ULK2: variants seen among roughly 807,000 people sequenced by gnomAD.
ULK2 encodes unc-51 like autophagy activating kinase 2.
ULK2 carries 76 observed loss-of-function variants against 127.5 expected under a neutral mutation model. That is an observed-to-expected ratio of 0.60 (90% CI 0.50 to 0.72). ULK2 has a LOEUF of 0.72. Among genes scored for constraint, ULK2 ranks in the 30% least tolerant of loss-of-function variants. The pLI is 0.00. For missense variants in ULK2, 1,144 were observed against 1,295.9 expected (o/e 0.88, Z 1.80); for synonymous variants, 452 against 461.9 (o/e 0.98, Z 0.28).
intron 17 of ULK2, among the ~76,000 whole-genome samples, chr17:19,798,144 C>T (rs920220949): frequency 2.6e-5 from 4 of 152,016 alleles, no homozygotes; most frequent in African/African-American, 9.6e-5. Flanking sequence ...ACTCCTTATT[C>T]AAAAAAACAA....
At chr17:19,820,522 A>C (rs1231176931) in intron 12 of ULK2, among the ~76,000 whole-genome samples, 2 of 152,202 alleles carry the variant, frequency 1.3e-5, no homozygotes, top group Non-Finnish European at 2.9e-5. Context: ...ATGATGGAAA[A>C]GGCCTATATT....
At chr17:19,793,183 G>A (rs2087194125) in intron 20 of ULK2, among the ~76,000 whole-genome samples, 1 of 152,144 alleles carries the variant, frequency 6.6e-6, no homozygotes. Context: ...GCAAAGCGGG[G>A]AAGAGCCCCT....
intron 12 of ULK2, among the ~76,000 whole-genome samples, chr17:19,818,369 A>G (rs1288651256): frequency 6.6e-6 from 1 of 151,786 alleles, no homozygotes; most frequent in Non-Finnish European, 1.5e-5. Context: ...ACTTTAGCCC[A>G]TTCACATATA....
chr17:19,788,102 A>C (rs2087073976), intron 20 of ULK2, among the ~76,000 whole-genome samples: 1 of 152,076 alleles, frequency 6.6e-6, no homozygotes, highest in South Asian at 2.1e-4. Flanking sequence ...CCACAAGCTA[A>C]AGCGCTCCGG....
chr17:19,779,437 C>T (rs1361594501), intron 25 of ULK2, among the ~76,000 whole-genome samples: 1 of 149,684 alleles, frequency 6.7e-6, no homozygotes, highest in Non-Finnish European at 1.5e-5. Context: ...GAGGCTAACG[C>T]AGCAGAATCG....
chr17:19,808,476 A>G (rs563962688), intron 14 of ULK2, among the ~76,000 whole-genome samples: 5 of 152,344 alleles, frequency 3.3e-5, no homozygotes, highest in African/African-American at 1.2e-4. Context: ...AAAGGACACA[A>G]AGAGTCAAAA....
Position 19,782,014 on chromosome 17 carries a change from C to T in ULK2, c.2514G>A (p.Glu838=). ...RHLNVMLMFT[E]CVLDLTAMRG... ...TCATGGCTGTCAGGTCCAGCACACA[C>T]TCAGTGAACATCAGCATCACATTCA... The change falls in exon 23 of 27, where the codon GAG becomes GAA. Residue 838 remains glutamate, a synonymous_variant. Coordinates refer to ENST00000395544, the MANE Select transcript of ULK2 (RefSeq NM_014683.4). The T allele has an allele frequency of 6.2e-7, 1 of 1,614,220 alleles. No individual in the cohort carries two copies. The highest frequency in any genetic ancestry group is 8.5e-7 in the Non-Finnish European group (1 of 1,180,028).
At chr17:19,801,454 G>A (rs937567133) in intron 16 of ULK2, among the ~76,000 whole-genome samples, 9 of 152,104 alleles carry the variant, frequency 5.9e-5, no homozygotes, top group South Asian at 4.1e-4. Context: ...GGTGGCATGC[G>A]CCTGTAGTTC....
At position 19,804,416 on chromosome 17, in the gene ULK2, A is replaced by C. The variant is rs1221232572; in HGVS notation, c.1295+277T>G. ...AATAAGTTCTTCCTCAATTCTTAAA[A>C]GTAATTATACATTTTAAGTATATAT... On this transcript the variant is annotated intron_variant, in intron 15 of 26. Coordinates refer to ENST00000395544, the MANE Select transcript of ULK2 (RefSeq NM_014683.4). Among the ~76,000 whole-genome samples the C allele has an allele frequency of 2.6e-5, 4 of 152,008 alleles. No homozygotes were observed. The East Asian group carries it at 7.7e-4, about 29-fold the overall frequency.
At position 19,841,558 on chromosome 17, in the gene ULK2, A is replaced by C. The variant is rs986869044; in HGVS notation, c.646-11T>G. The stretch of plus-strand genomic sequence containing the variant: ...TTGAGGACTATTGGCCTATTAAAAA[A>C]AAAAAGGTTTAATTTCCTAAACAAT... On this transcript the variant is annotated splice_polypyrimidine_tract_variant and intron_variant, in intron 8 of 26. Coordinates refer to ENST00000395544, the MANE Select transcript of ULK2 (RefSeq NM_014683.4). 1.9e-6 allele frequency: 3 copies of C among 1,567,888 alleles called. No individual in the cohort carries two copies. The highest frequency in any genetic ancestry group is 2.6e-6 in the Non-Finnish European group (3 of 1,167,404).
chr17:19,829,446 AG>A (rs1330365988), intron 10 of ULK2, among the ~76,000 whole-genome samples: 3 of 149,590 alleles, frequency 2.0e-5, no homozygotes, highest in Non-Finnish European at 4.4e-5. Flanking sequence ...CAGAGGTGAG[AG>A]GATCACTTGA....
chr17:19,815,474 G>A (rs1344756414), intron 13 of ULK2, among the ~76,000 whole-genome samples: 1 of 152,024 alleles, frequency 6.6e-6, no homozygotes, highest in Non-Finnish European at 1.5e-5. Flanking sequence ...GTAGAGACGG[G>A]GTTTCACCAT....
In ULK2 at chr17:19,781,079, T is replaced by C. The variant is rs768870693; in HGVS notation, c.2665A>G (p.Met889Val). The C allele has an allele frequency of 3.7e-6, 6 of 1,613,594 alleles. No homozygotes were observed. Among genetic ancestry groups the C allele is most frequent in the East Asian group, 2.2e-5 (1 of 44,884 alleles). The change falls in exon 24 of 27, where the codon ATG becomes GTG. Residue 889 changes from methionine to valine, a missense_variant. This residue lies in a region of ULK2 where 913 missense variants were observed against 970.5 expected (regional missense o/e 0.94). Coordinates refer to ENST00000395544, the MANE Select transcript of ULK2 (RefSeq NM_014683.4). ...WGRVEQLVLY[M>V]KAAQLLAASL... ...GCCGCAAGCAGCTGTGCTGCTTTCA[T>C]GTACAACACCAGCTGCTCCACCCGC... is the stretch of plus-strand genomic sequence containing the variant.
intron 20 of ULK2, among the ~76,000 whole-genome samples, chr17:19,792,245 T>G (rs866364991): frequency 6.6e-6 from 1 of 151,930 alleles, no homozygotes; most frequent in African/African-American, 2.4e-5. Context: ...ATAAATGAAA[T>G]TGAAACTAAG....
At chr17:19,777,758 A>T in intron 25 of ULK2, 42 bp from the exon 26 acceptor site, 1 of 1,572,720 alleles carries the variant, frequency 6.4e-7, no homozygotes, top group Non-Finnish European at 8.6e-7. Context: ...CAATTTTTCC[A>T]AGAAAATACA....
At chr17:19,787,858 C>T (rs1002035612) in intron 20 of ULK2, among the ~76,000 whole-genome samples, 9 of 152,218 alleles carry the variant, frequency 5.9e-5, no homozygotes, top group Admixed American at 4.6e-4. Flanking sequence ...CCCTCCGCCC[C>T]TCCCCTGGCA....
At position 19,841,624 on chromosome 17, in the gene ULK2, C is replaced by CTT. The variant is rs968901657; in HGVS notation, c.646-79_646-78dup. ...AAATCATATGATTGACACTCATATG[C>CTT]TTTTTTTTTAAGGGATTGAGGGAGT... is the stretch of plus-strand genomic sequence containing the variant. On this transcript the variant is annotated intron_variant, in intron 8 of 26. Coordinates refer to ENST00000395544, the MANE Select transcript of ULK2 (RefSeq NM_014683.4). 1.2e-5 allele frequency: 13 copies of CTT among 1,126,726 alleles called. No homozygotes were observed. In the East Asian group the frequency reaches 1.9e-4, roughly 17 times the overall value. The allele number at this position is 1,126,726 out of a possible 1,614,324, so 69.8% of individuals were successfully genotyped here.
At chr17:19,812,839 C>A (rs2087672726) in intron 13 of ULK2, among the ~76,000 whole-genome samples, 1 of 152,194 alleles carries the variant, frequency 6.6e-6, no homozygotes, top group African/African-American at 2.4e-5. Flanking sequence ...ATATAGAATT[C>A]TTTTTAAAAG....
intron 7 of ULK2, among the ~76,000 whole-genome samples, chr17:19,843,434 T>G (rs960686083): frequency 6.6e-6 from 1 of 152,026 alleles, no homozygotes; most frequent in Non-Finnish European, 1.5e-5. Context: ...CAATGTTGCA[T>G]GAAAAGAGGC....
Sources: allele counts gnomAD v4.1 joint callset (sites outside exome capture counted in the v4.1 genomes callset), GRCh38; gene constraint gnomAD v4.1.1; regional missense constraint gnomAD v4.1.1; transcripts MANE v1.5; gene names NCBI Gene and HGNC (gene_info 2026-07-23, HGNC 2026-07-21).